EYA4: variants seen among roughly 807,000 people sequenced by gnomAD.
The protein encoded by EYA4 is EYA transcriptional coactivator and phosphatase 4, also known as protein phosphatase EYA4.
In EYA4, 31 loss-of-function variants were observed where a neutral mutation model predicts 87.9. The ratio of observed to expected loss-of-function variants is 0.35; its 90% confidence interval spans 0.27 to 0.48. EYA4 has a LOEUF of 0.48. Among genes scored for constraint, EYA4 ranks in the 20% least tolerant of loss-of-function variants. The probability of loss-of-function intolerance (pLI) is 0.99; values close to 1 mark genes in which losing one functional copy is unlikely to be tolerated. For synonymous variants in EYA4, 263 were observed against 270.6 expected (o/e 0.97, Z 0.28); for missense variants, 678 against 761.4 (o/e 0.89, Z 1.29).
chr6:133,528,684 T>G, intron 19 of EYA4, 41 bp from the exon 20 acceptor site: 1 of 1,360,020 alleles, frequency 7.4e-7, no homozygotes, highest in Non-Finnish European at 1.1e-6. Context: ...CCTCATTCCT[T>G]CCCCTTCTCT....
At chr6:133,405,232 A>G (rs1205349508) in intron 3 of EYA4, among the ~76,000 whole-genome samples, 1 of 152,234 alleles carries the variant, frequency 6.6e-6, no homozygotes, top group Admixed American at 6.5e-5. Flanking sequence ...CAAGGATCTT[A>G]GCCATCTCCT....
At chr6:133,502,825 T>C (rs538372096) in intron 13 of EYA4, 2 of 152,230 alleles carry the variant, frequency 1.3e-5, no homozygotes, top group South Asian at 4.1e-4. Context: ...GCCAAGACTT[T>C]GGCATGGCTG....
chr6:133,497,942 A>T (rs1797773179), intron 13 of EYA4, among the ~76,000 whole-genome samples: 1 of 152,172 alleles, frequency 6.6e-6, no homozygotes, highest in Non-Finnish European at 1.5e-5. Flanking sequence ...CTGCTTGCTT[A>T]TTTTAGACAA....
intron 2 of EYA4, among the ~76,000 whole-genome samples, chr6:133,317,456 A>G (rs959819811): frequency 2.0e-5 from 3 of 152,126 alleles, no homozygotes; most frequent in African/African-American, 7.2e-5. Flanking sequence ...ATTATGAATT[A>G]TTTGTGTATG....
chr6:133,286,331 G>T (rs1181581156), intron 2 of EYA4, among the ~76,000 whole-genome samples: 1 of 152,176 alleles, frequency 6.6e-6, no homozygotes, highest in African/African-American at 2.4e-5. Flanking sequence ...GGAACTCAGG[G>T]AAATGAGTTG....
chr6:133,314,524 A>G (rs1483248859), intron 2 of EYA4, among the ~76,000 whole-genome samples: 1 of 152,192 alleles, frequency 6.6e-6, no homozygotes, highest in Non-Finnish European at 1.5e-5. Context: ...AAACATCTAT[A>G]CTTGCATATT....
chr6:133,264,518 C>T (rs533387292), intron 1 of EYA4, among the ~76,000 whole-genome samples: 1 of 152,332 alleles, frequency 6.6e-6, no homozygotes, highest in East Asian at 1.9e-4. Flanking sequence ...GGCGGAACGC[C>T]TGTACTGGCA....
At chr6:133,436,639 A>G (rs577391229) in intron 3 of EYA4, among the ~76,000 whole-genome samples, 1 of 152,334 alleles carries the variant, frequency 6.6e-6, no homozygotes, top group African/African-American at 2.4e-5. Context: ...ATAGGAAGAA[A>G]AAATTATGAG....
At chr6:133,367,298 A>T (rs1784925612) in intron 2 of EYA4, among the ~76,000 whole-genome samples, 1 of 152,222 alleles carries the variant, frequency 6.6e-6, no homozygotes, top group South Asian at 2.1e-4. Context: ...GAAAGGAAGT[A>T]TGTAAGCAGC....
chr6:133,454,494 G>A (rs1252498737), intron 5 of EYA4, among the ~76,000 whole-genome samples: 1 of 152,148 alleles, frequency 6.6e-6, no homozygotes, highest in African/African-American at 2.4e-5. Flanking sequence ...TCAAATTCTA[G>A]CTCTTACAAG....
intron 3 of EYA4, among the ~76,000 whole-genome samples, chr6:133,436,579 A>G (rs921411231): frequency 5.0e-4 from 76 of 152,314 alleles, no homozygotes; most frequent in African/African-American, 1.6e-3. Context: ...AATAGAAGCT[A>G]TTGTTGTTAT....
At chr6:133,420,112 A>G (rs1214710410) in intron 3 of EYA4, among the ~76,000 whole-genome samples, 2 of 152,124 alleles carry the variant, frequency 1.3e-5, no homozygotes, top group African/African-American at 4.8e-5. Context: ...GAGATCTGTA[A>G]TTCTTGGCTT....
chr6:133,311,707 G>T (rs1404327757), intron 2 of EYA4, among the ~76,000 whole-genome samples: 4 of 152,128 alleles, frequency 2.6e-5, no homozygotes, highest in African/African-American at 9.7e-5. Flanking sequence ...CAACTCCTTA[G>T]TGTGGCCTGC....
intron 3 of EYA4, among the ~76,000 whole-genome samples, chr6:133,438,870 G>A (rs1232486932): frequency 2.6e-5 from 4 of 151,606 alleles, no homozygotes; most frequent in South Asian, 2.1e-4. Flanking sequence ...GTGAAATCCC[G>A]TCTCTACTAA....
intron 19 of EYA4, among the ~76,000 whole-genome samples, chr6:133,527,819 G>A (rs187783227): frequency 4.3e-4 from 66 of 152,112 alleles, no homozygotes; most frequent in Non-Finnish European, 6.9e-4. Context: ...TATTTTATAC[G>A]TACATATTCT....
chr6:133,408,194 C>T (rs1489986473), intron 3 of EYA4, among the ~76,000 whole-genome samples: 1 of 152,186 alleles, frequency 6.6e-6, no homozygotes, highest in Non-Finnish European at 1.5e-5. Flanking sequence ...GGTGAACAGA[C>T]CGTCCTTCCT....
intron 2 of EYA4, among the ~76,000 whole-genome samples, chr6:133,333,878 G>A (rs1242662926): frequency 6.6e-6 from 1 of 152,064 alleles, no homozygotes; most frequent in Non-Finnish European, 1.5e-5. Flanking sequence ...CTTTTTTTCA[G>A]ATAGCTAAGC....
At position 133,412,727 on chromosome 6, in the gene EYA4, A is replaced by T. The variant is rs553566116; in HGVS notation, c.83+30286A>T. ...TTTGCTTGTTTCCTATTCAGCATAG[A>T]TCTCATGGCTCACCTTTTCAACCAC... On this transcript the variant is annotated intron_variant, in intron 3 of 19. Transcript: ENST00000355286. Among the ~76,000 whole-genome samples the T allele has an allele frequency of 2.6e-5, 4 of 152,202 alleles. No homozygotes were observed. The East Asian group carries it at 7.7e-4, about 29-fold the overall frequency.
intron 3 of EYA4, among the ~76,000 whole-genome samples, chr6:133,428,861 A>T (rs1305226380): frequency 6.9e-6 from 1 of 143,886 alleles, no homozygotes; most frequent in Admixed American, 6.9e-5. Context: ...TTATTAATTT[A>T]GATTAAGAAT....
Sources: allele counts gnomAD v4.1 joint callset (sites outside exome capture counted in the v4.1 genomes callset), GRCh38; gene constraint gnomAD v4.1.1; transcripts MANE v1.5; gene names NCBI Gene and HGNC (gene_info 2026-07-23, HGNC 2026-07-21).